The following SH3RF3 variants were observed in gnomAD, a reference collection of about 807,000 sequenced individuals.
SH3RF3 encodes the protein SH3 domain containing ring finger 3.
SH3RF3 carries 29 observed loss-of-function variants against 66.3 expected under a neutral mutation model. The ratio of observed to expected loss-of-function variants is 0.44; its 90% CI spans 0.33 to 0.60. SH3RF3 has a LOEUF of 0.60. Ranked by LOEUF, SH3RF3 falls within the 20% of genes least tolerant of loss-of-function variation. The probability of loss-of-function intolerance (pLI) is 0.04; values close to 1 mark genes in which losing one functional copy is unlikely to be tolerated. For synonymous variants in SH3RF3, 583 were observed against 532.0 expected (o/e 1.10, Z -1.32); for missense variants, 1,194 against 1,190.9 (o/e 1.00, Z -0.04).
intron 1 of SH3RF3, among the ~76,000 whole-genome samples, chr2:109,292,099 G>A (rs1302860752): frequency 2.6e-5 from 4 of 152,180 alleles, no homozygotes; most frequent in East Asian, 1.9e-4. Flanking sequence ...TCCTGACCTC[G>A]TGATCTGCCC....
At chr2:109,478,502 T>A (rs1678749580) in intron 8 of SH3RF3, among the ~76,000 whole-genome samples, 1 of 152,248 alleles carries the variant, frequency 6.6e-6, no homozygotes, top group South Asian at 2.1e-4. Flanking sequence ...ATGCTTTCCA[T>A]GAAAATGTAC....
At chr2:109,323,539 G>C (rs982962607) in intron 1 of SH3RF3, among the ~76,000 whole-genome samples, 11 of 152,234 alleles carry the variant, frequency 7.2e-5, no homozygotes, top group African/African-American at 2.7e-4. Context: ...TGTAGGTAGT[G>C]GTAGATGGGG....
At chr2:109,426,829 A>T (rs1559077433) in intron 5 of SH3RF3, among the ~76,000 whole-genome samples, 1 of 152,176 alleles carries the variant, frequency 6.6e-6, no homozygotes, top group Non-Finnish European at 1.5e-5. Flanking sequence ...AGAAGTTGCC[A>T]CAGCCACCCC....
chr2:109,222,009 T>G (rs1054216894), intron 1 of SH3RF3, among the ~76,000 whole-genome samples: 1 of 152,056 alleles, frequency 6.6e-6, no homozygotes, highest in Non-Finnish European at 1.5e-5. Flanking sequence ...GGGATACTAT[T>G]CAGCCTTTCA....
In SH3RF3 at chr2:109,296,826, T is replaced by C. The variant is rs144372247; in HGVS notation, c.574-50848T>C. ...ACACTGACCACACTAGCAGAGCTGC[T>C]GCCAGTGGCCCCCAAGGCGTCTCAC... On this transcript the variant is annotated intron_variant, in intron 1 of 9. Transcript: ENST00000309415. Among the ~76,000 whole-genome samples, 1,222 of 152,322 alleles carry C rather than the reference T, an allele frequency of 8.0e-3. 12 individuals carry two copies. The highest frequency in any genetic ancestry group is 0.037 in the East Asian group (194 of 5,182).
intron 1 of SH3RF3, among the ~76,000 whole-genome samples, chr2:109,257,508 C>G (rs1680249472): frequency 6.6e-6 from 1 of 152,072 alleles, no homozygotes; most frequent in African/African-American, 2.4e-5. Context: ...AAGGGCACAC[C>G]AAGAGTCTGG....
At position 109,398,592 on chromosome 2, in the gene SH3RF3, C is replaced by T. The variant is rs11885439; in HGVS notation, c.948C>T (p.Leu316=). The change falls in exon 4 of 10, where the codon CTC becomes CTT. Residue 316 remains leucine (L), a splice_region_variant and synonymous_variant. Coordinates refer to ENST00000309415, the MANE Select transcript of SH3RF3 (RefSeq NM_001099289.3). ...CCCCTCTCCCCTTTCTCACTCAGCTCAATGACTCCGCCAAGCAGCTCATTG... is the reference window on the plus strand; with the variant it reads ...CCCCTCTCCCCTTTCTCACTCAGCTTAATGACTCCGCCAAGCAGCTCATTG... ...IGIFPLLYVE[L]NDSAKQLIEM... is the part of the protein sequence containing the mutation. 2 of 1,558,240 alleles carry T rather than the reference C, an allele frequency of 1.3e-6. No individual in the cohort carries two copies. The highest frequency in any genetic ancestry group is 1.7e-6 in the Non-Finnish European group (2 of 1,153,072).
chr2:109,401,958 G>T (rs892943418), intron 4 of SH3RF3, among the ~76,000 whole-genome samples: 1 of 152,224 alleles, frequency 6.6e-6, no homozygotes, highest in Non-Finnish European at 1.5e-5. Context: ...GACTTGAAGC[G>T]AAAGTCATGG....
At chr2:109,150,518 C>G (rs1677203666) in intron 1 of SH3RF3, among the ~76,000 whole-genome samples, 1 of 152,164 alleles carries the variant, frequency 6.6e-6, no homozygotes, top group Non-Finnish European at 1.5e-5. Context: ...TTCACTTAGT[C>G]TGTTTAACCA....
intron 3 of SH3RF3, among the ~76,000 whole-genome samples, chr2:109,378,234 C>A (rs914341981): frequency 3.3e-5 from 5 of 152,236 alleles, no homozygotes; most frequent in Non-Finnish European, 5.9e-5. Context: ...CACTCTGGGT[C>A]AGGGAGCTGG....
At chr2:109,449,036 C>A (rs1057183018) in intron 7 of SH3RF3, 134 bp from the exon 8 acceptor site, 8 of 1,051,882 alleles carry the variant, frequency 7.6e-6, no homozygotes, top group Admixed American at 5.4e-5. Flanking sequence ...GAGGCCAGGT[C>A]TGTCTGGAGA....
chr2:109,201,087 A>G (rs1678661006), intron 1 of SH3RF3, among the ~76,000 whole-genome samples: 1 of 152,124 alleles, frequency 6.6e-6, no homozygotes. Context: ...AGGGACTCTC[A>G]GTTCTCTCCC....
intron 9 of SH3RF3, among the ~76,000 whole-genome samples, chr2:109,493,884 C>T (rs1679192099): frequency 6.6e-6 from 1 of 152,152 alleles, no homozygotes. Flanking sequence ...CACACACCCA[C>T]CTTCTCTTTC....
chr2:109,450,552 T>G lies in SH3RF3; in HGVS notation c.2148+1063T>G, dbSNP rs75079076. Among the ~76,000 whole-genome samples, 525 of 152,358 alleles carry G rather than the reference T, an allele frequency of 3.4e-3. 19 individuals are homozygous for G. In the East Asian group the frequency reaches 0.061, roughly 18 times the overall value. On this transcript the variant is annotated intron_variant, in intron 8 of 9. Coordinates refer to ENST00000309415, the MANE Select transcript of SH3RF3 (RefSeq NM_001099289.3). ...AGTAAAATTAATTTTAAAGTAAATTTAAAAGGTGAAATTCATTTTAACAGC... is the reference window on the plus strand; with the variant it reads ...AGTAAAATTAATTTTAAAGTAAATTGAAAAGGTGAAATTCATTTTAACAGC...
At chr2:109,294,589 TA>T (rs35974168) in intron 1 of SH3RF3, among the ~76,000 whole-genome samples, 57,140 of 141,226 alleles carry the variant, frequency 0.4, 11,040 homozygotes, top group African/African-American at 0.45. Flanking sequence ...AAAAAAAAGG[TA>T]AAAAAAAAAA....
At chr2:109,478,709 G>A (rs755310663) in intron 8 of SH3RF3, among the ~76,000 whole-genome samples, 3 of 152,134 alleles carry the variant, frequency 2.0e-5, no homozygotes, top group Admixed American at 6.5e-5. Context: ...GAGGGGGAGA[G>A]TCTGAGCTCG....
At chr2:109,350,728 C>T (rs1682819326) in intron 2 of SH3RF3, among the ~76,000 whole-genome samples, 1 of 152,370 alleles carries the variant, frequency 6.6e-6, no homozygotes, top group Non-Finnish European at 1.5e-5. Flanking sequence ...CACACACTGG[C>T]TCTGACAACC....
chr2:109,361,762 A>C (rs1004922055), intron 2 of SH3RF3, among the ~76,000 whole-genome samples: 12 of 152,200 alleles, frequency 7.9e-5, no homozygotes, highest in African/African-American at 2.9e-4. Flanking sequence ...TCTTTAATAG[A>C]TAAAGGCCTA....
Position 109,137,846 on chromosome 2 carries a change from T to A in SH3RF3, c.573+7733T>A, listed in dbSNP as rs527945421. 1.1e-4 allele frequency among the ~76,000 whole-genome samples: 16 copies of A among 152,346 alleles called. No individual in the cohort carries two copies. In the South Asian group the frequency reaches 3.3e-3, roughly 32 times the overall value. ...CTGTTTGATTTGAAGGGTCAAGGAA[T>A]CCTTCAGATGATTACTAAACACTTG... is the stretch of plus-strand genomic sequence containing the variant. On this transcript the variant is annotated intron_variant, in intron 1 of 9. Transcript: ENST00000309415.
Sources: gnomAD v4.1 joint callset for allele counts (sites outside exome capture counted in the v4.1 genomes callset) on GRCh38, gnomAD v4.1.1 for gene constraint, MANE v1.5 for transcripts, NCBI Gene and HGNC (gene_info 2026-07-23, HGNC 2026-07-21) for gene names.